Variants in ZEB2 observed in about 807,000 individuals in gnomAD.
ZEB2 encodes the protein zinc finger E-box-binding homeobox 2.
In ZEB2, 6 loss-of-function variants were observed where a neutral mutation model predicts 99.9. The ratio of observed to expected loss-of-function variants is 0.06; its 90% CI spans 0.03 to 0.12. The LOEUF is 0.12. Among genes scored for constraint, ZEB2 ranks in the 10% least tolerant of loss-of-function variants. The probability of loss-of-function intolerance (pLI) is 1.00; values close to 1 mark genes in which losing one functional copy is unlikely to be tolerated. For missense variants in ZEB2, 969 were observed against 1,502.8 expected (o/e 0.64, Z 5.87); for synonymous variants, 517 against 542.5 (o/e 0.95, Z 0.65).
intron 2 of ZEB2, 40 bp from the exon 3 acceptor site, chr2:144,430,066 T>A (rs1703749733): frequency 6.2e-7 from 1 of 1,608,048 alleles, no homozygotes; most frequent in Admixed American, 1.7e-5. Flanking sequence ...AAACACTCTG[T>A]TGAGAAACAT....
rs1443689790 is a variant in ZEB2 at position 144,498,912 on chromosome 2, G to A, written c.73+18366C>T. Among the ~76,000 whole-genome samples, 35 of 152,114 alleles carry A rather than the reference G, an allele frequency of 2.3e-4. 1 individual carries two copies. The highest frequency in any genetic ancestry group is 2.3e-3 in the Admixed American group (35 of 15,258). On this transcript the variant is annotated intron_variant, in intron 2 of 9. Transcript: ENST00000627532. The stretch of plus-strand genomic sequence containing the variant: ...AGAGTGAGACCCTGTCTCTAAAAAT[G>A]AATGAATGAATGAATAAAGATGACA...
intron 2 of ZEB2, chr2:144,511,987 C>T: frequency 7.8e-7 from 1 of 1,287,162 alleles, no homozygotes; most frequent in Non-Finnish European, 1.0e-6. Flanking sequence ...GATTTTCCTC[C>T]TTTATCTCTT....
chr2:144,497,109 G>C (rs1047001083), intron 2 of ZEB2, among the ~76,000 whole-genome samples: 31 of 152,062 alleles, frequency 2.0e-4, no homozygotes, highest in African/African-American at 7.5e-4. Context: ...TCTCAGCCCA[G>C]CGTGCTGTGC....
chr2:144,404,627 T>C (rs564110660), intron 5 of ZEB2, among the ~76,000 whole-genome samples: 29 of 152,354 alleles, frequency 1.9e-4, no homozygotes, highest in South Asian at 1.0e-3. Flanking sequence ...ATTGTTCTTG[T>C]TCTTTATTGG....
At chr2:144,440,198 T>C (rs1703886926) in intron 2 of ZEB2, among the ~76,000 whole-genome samples, 1 of 152,178 alleles carries the variant, frequency 6.6e-6, no homozygotes, top group African/African-American at 2.4e-5. Flanking sequence ...AGGCTGGAAC[T>C]CAGACTCATG....
At chr2:144,418,239 A>G (rs1253129016) in intron 4 of ZEB2, among the ~76,000 whole-genome samples, 2 of 152,266 alleles carry the variant, frequency 1.3e-5, no homozygotes, top group Non-Finnish European at 2.9e-5. Flanking sequence ...CAGAATGTCA[A>G]AAGAACTTAA....
chr2:144,396,318 G>C (rs1703228733), intron 9 of ZEB2, 94 bp downstream of exon 9: 2 of 1,491,524 alleles, frequency 1.3e-6, no homozygotes, highest in Non-Finnish European at 1.9e-6. Context: ...ATCAGCATAT[G>C]TTACATCTTA....
chr2:144,484,236 T>C (rs984824027), intron 2 of ZEB2, among the ~76,000 whole-genome samples: 1 of 94,724 alleles, frequency 1.1e-5, no homozygotes, highest in African/African-American at 3.4e-5. Flanking sequence ...TTTTAAATAT[T>C]GGCAACCAAT....
chr2:144,430,193 T>A (rs935572162), intron 2 of ZEB2, among the ~76,000 whole-genome samples, 167 bp from the exon 3 acceptor site: 1 of 152,206 alleles, frequency 6.6e-6, no homozygotes, highest in Non-Finnish European at 1.5e-5. Flanking sequence ...TTTTTATTCT[T>A]TTTCAATTAT....
intron 2 of ZEB2, chr2:144,497,754 T>C (rs1348038666): frequency 6.2e-6 from 1 of 161,668 alleles, no homozygotes; most frequent in Non-Finnish European, 1.5e-5. Context: ...TTTCTGACAA[T>C]CTTGATGACC....
intron 2 of ZEB2, chr2:144,496,543 C>T (rs145917602): frequency 4.5e-4 from 69 of 152,284 alleles, no homozygotes; most frequent in African/African-American, 1.6e-3. Flanking sequence ...CTTTTTCAAA[C>T]GCTGGGTTTT....
chr2:144,412,900 T>C (rs1479778737), intron 4 of ZEB2, among the ~76,000 whole-genome samples: 1 of 152,206 alleles, frequency 6.6e-6, no homozygotes, highest in Non-Finnish European at 1.5e-5. Context: ...CAGCTTTGTG[T>C]CACCAGCACC....
At chr2:144,413,975 C>T (rs373085421) in intron 4 of ZEB2, among the ~76,000 whole-genome samples, 1 of 152,184 alleles carries the variant, frequency 6.6e-6, no homozygotes, top group Non-Finnish European at 1.5e-5. Flanking sequence ...CCTATGCTAA[C>T]GATGCGATGC....
intron 1 of ZEB2, chr2:144,518,219 A>G (rs1398590345): frequency 6.5e-6 from 1 of 152,716 alleles, no homozygotes; most frequent in Non-Finnish European, 1.5e-5. Flanking sequence ...GGAAAGAGAA[A>G]GTCCAACCAC....
chr2:144,464,707 C>T (rs1282185787), intron 2 of ZEB2, among the ~76,000 whole-genome samples: 1 of 152,092 alleles, frequency 6.6e-6, no homozygotes, highest in Non-Finnish European at 1.5e-5. Context: ...ACACACAGTA[C>T]ACAAGTAGGA....
intron 2 of ZEB2, chr2:144,516,546 T>C (rs943028984): frequency 4.7e-5 from 7 of 150,494 alleles, no homozygotes; most frequent in African/African-American, 1.2e-4. Flanking sequence ...CTCCAGACCA[T>C]GTAGAAACTG....
chr2:144,512,211 A>ATAGT, intron 2 of ZEB2: 1 of 1,287,268 alleles, frequency 7.8e-7, no homozygotes, highest in Admixed American at 2.3e-5. Flanking sequence ...CAGGCACAAA[A>ATAGT]TAGTGTCTAC....
At chr2:144,427,922 T>A (rs1703710355) in intron 3 of ZEB2, 1 of 152,212 alleles carries the variant, frequency 6.6e-6, no homozygotes, top group Non-Finnish European at 1.5e-5. Flanking sequence ...TCATATGGAT[T>A]ACTGTATATT....
Position 144,384,977 on chromosome 2 carries a change from G to T in ZEB2, c.*4474C>A, listed in dbSNP as rs1028161530. The T allele has an allele frequency of 2.6e-5, 4 of 151,982 alleles. No individual in the cohort carries two copies. Among genetic ancestry groups the T allele is most frequent in the African/African-American group, 9.7e-5 (4 of 41,390 alleles). 9.4% of individuals were successfully genotyped at this position (151,982 alleles called of 1,614,324 possible). On this transcript the variant is annotated 3_prime_UTR_variant, in exon 10 of 10. Coordinates refer to ENST00000627532, the MANE Select transcript of ZEB2 (RefSeq NM_014795.4). ...TTAAGAGAGGCATAAATTGCCTCTTGGTACACCAATATGATTTGTGATGTG... is the reference window on the plus strand; with the variant it reads ...TTAAGAGAGGCATAAATTGCCTCTTTGTACACCAATATGATTTGTGATGTG...
Sources: gnomAD v4.1 joint callset for allele counts (sites outside exome capture counted in the v4.1 genomes callset) on GRCh38, gnomAD v4.1.1 for gene constraint, MANE v1.5 for transcripts, NCBI Gene and HGNC (gene_info 2026-07-23, HGNC 2026-07-21) for gene names.